PRKCE: variants seen among roughly 807,000 people sequenced by gnomAD.
PRKCE encodes protein kinase C epsilon type.
In PRKCE, 16 loss-of-function variants were observed where a neutral mutation model predicts 85.4. The observed-to-expected ratio is 0.19, with a 90% CI of 0.13 to 0.28. The LOEUF (loss-of-function observed/expected upper bound fraction) is 0.28, where lower values mean the gene tolerates loss of function less well. Among genes scored for constraint, PRKCE ranks in the 10% least tolerant of loss-of-function variants. PRKCE has a pLI of 1.00. For missense variants in PRKCE, 573 were observed against 975.2 expected (o/e 0.59, Z 5.49); for synonymous variants, 388 against 371.5 (o/e 1.04, Z -0.51).
rs139373921 is a variant in PRKCE, at chr2:46,089,756, A to G, written c.1592+3394A>G. Among the ~76,000 whole-genome samples the G allele has an allele frequency of 2.0e-4, 31 of 152,120 alleles. 1 individual carries two copies. In the East Asian group the frequency reaches 5.6e-3, roughly 27 times the overall value. Reference sequence around the variant, plus strand: ...TTCTGCCCAGAGGAGATGGAGTTTTATGCTTCTCACAAAGACACCCTACTG... The same window carrying G: ...TTCTGCCCAGAGGAGATGGAGTTTTGTGCTTCTCACAAAGACACCCTACTG... On this transcript the variant is annotated intron_variant, in intron 11 of 14. Transcript: ENST00000306156.
chr2:45,700,857 C>T (rs939775157), intron 1 of PRKCE, among the ~76,000 whole-genome samples: 17 of 152,094 alleles, frequency 1.1e-4, no homozygotes, highest in East Asian at 1.9e-4. Flanking sequence ...AGGGAGAGGG[C>T]GGCCCCGTGA....
chr2:45,738,698 ACT>A (rs376296381), intron 1 of PRKCE, among the ~76,000 whole-genome samples: 54 of 152,244 alleles, frequency 3.5e-4, no homozygotes, highest in African/African-American at 1.2e-3. Context: ...GGTGTGAATA[ACT>A]CTGAGATGTT....
intron 10 of PRKCE, among the ~76,000 whole-genome samples, chr2:46,016,091 TCAGACTC>T (rs1191906405): frequency 6.6e-6 from 1 of 152,176 alleles, no homozygotes; most frequent in Non-Finnish European, 1.5e-5. Context: ...ATTAATAGAA[TCAGACTC>T]CAGGGAAGTC....
chr2:46,086,085 A>T, intron 10 of PRKCE, 123 bp from the exon 11 acceptor site: 1 of 982,664 alleles, frequency 1.0e-6, no homozygotes, highest in Non-Finnish European at 1.5e-6. Flanking sequence ...ACCAGGATTC[A>T]CCCACCTTTG....
chr2:46,042,018 G>A (rs1307680189), intron 10 of PRKCE, among the ~76,000 whole-genome samples: 1 of 152,194 alleles, frequency 6.6e-6, no homozygotes, highest in Non-Finnish European at 1.5e-5. Flanking sequence ...TTTATGGTTT[G>A]ATTGTGTTTC....
At chr2:45,805,683 G>T (rs367606462) in intron 1 of PRKCE, among the ~76,000 whole-genome samples, 1 of 149,026 alleles carries the variant, frequency 6.7e-6, no homozygotes, top group Middle Eastern at 3.2e-3. Flanking sequence ...TGCAACCTCC[G>T]CCTCCCGGGT....
chr2:46,021,812 T>G (rs1706690036), intron 10 of PRKCE, among the ~76,000 whole-genome samples: 1 of 152,210 alleles, frequency 6.6e-6, no homozygotes, highest in Non-Finnish European at 1.5e-5. Context: ...CCGCCATCTA[T>G]TGGATTTCAG....
At chr2:46,176,244 T>A (rs901281309) in intron 14 of PRKCE, among the ~76,000 whole-genome samples, 2 of 152,128 alleles carry the variant, frequency 1.3e-5, no homozygotes, top group Non-Finnish European at 2.9e-5. Flanking sequence ...GGAGCCCTAT[T>A]ATTCCATGCC....
intron 1 of PRKCE, among the ~76,000 whole-genome samples, chr2:45,834,345 T>C (rs927694641): frequency 6.6e-6 from 1 of 152,236 alleles, no homozygotes; most frequent in African/African-American, 2.4e-5. Flanking sequence ...TTGGAGATTA[T>C]AAACAGCCAG....
intron 2 of PRKCE, among the ~76,000 whole-genome samples, chr2:45,932,728 T>A (rs1205306038): frequency 6.6e-6 from 1 of 152,238 alleles, no homozygotes; most frequent in East Asian, 1.9e-4. Flanking sequence ...CCACTATCCA[T>A]CTCCAAAACC....
chr2:45,832,097 C>A (rs369719824), intron 1 of PRKCE, among the ~76,000 whole-genome samples: 48 of 152,206 alleles, frequency 3.2e-4, no homozygotes, highest in African/African-American at 9.6e-4. Context: ...CAATGAAAAG[C>A]AATGGCAAAT....
chr2:45,772,589 T>C (rs1488579395), intron 1 of PRKCE, among the ~76,000 whole-genome samples: 1 of 152,186 alleles, frequency 6.6e-6, no homozygotes, highest in Non-Finnish European at 1.5e-5. Flanking sequence ...CCCTTGAGAC[T>C]GAGGAGAGAT....
At chr2:45,737,868 C>G (rs928942669) in intron 1 of PRKCE, among the ~76,000 whole-genome samples, 1 of 152,116 alleles carries the variant, frequency 6.6e-6, no homozygotes, top group Non-Finnish European at 1.5e-5. Flanking sequence ...GCCCCAAGTT[C>G]AACAAAACCA....
intron 1 of PRKCE, among the ~76,000 whole-genome samples, chr2:45,672,723 A>G (rs1676234948): frequency 6.6e-6 from 1 of 152,104 alleles, no homozygotes; most frequent in African/African-American, 2.4e-5. Flanking sequence ...TGTCAAGAGG[A>G]TGGTAAAAAC....
intron 2 of PRKCE, among the ~76,000 whole-genome samples, chr2:45,866,072 A>G (rs1240960764): frequency 1.3e-5 from 2 of 151,888 alleles, no homozygotes; most frequent in Non-Finnish European, 2.9e-5. Context: ...CTCTCTCCTC[A>G]ACCTCCCAAA....
intron 1 of PRKCE, among the ~76,000 whole-genome samples, chr2:45,766,723 C>G (rs1684941712): frequency 6.6e-6 from 1 of 152,192 alleles, no homozygotes; most frequent in South Asian, 2.1e-4. Flanking sequence ...CACTCACATT[C>G]AAATTCCTAA....
chr2:45,899,384 CTTT>C (rs1028345493), intron 2 of PRKCE, among the ~76,000 whole-genome samples: 1 of 142,838 alleles, frequency 7.0e-6, no homozygotes. Context: ...AATTTTTTTT[CTTT>C]TTTTTTTTTT....
At chr2:45,736,671 T>C (rs1410526035) in intron 1 of PRKCE, among the ~76,000 whole-genome samples, 1 of 152,166 alleles carries the variant, frequency 6.6e-6, no homozygotes, top group Non-Finnish European at 1.5e-5. Flanking sequence ...CTCATTCCTC[T>C]TACAGTCAAG....
At chr2:46,144,645 G>C (rs971320745) in intron 11 of PRKCE, among the ~76,000 whole-genome samples, 1 of 152,210 alleles carries the variant, frequency 6.6e-6, no homozygotes, top group Non-Finnish European at 1.5e-5. Flanking sequence ...GTTCTATAAA[G>C]TAGTGCCTGA....
Sources: allele counts gnomAD v4.1 joint callset (sites outside exome capture counted in the v4.1 genomes callset), GRCh38; gene constraint gnomAD v4.1.1; transcripts MANE v1.5; gene names NCBI Gene and HGNC (gene_info 2026-07-23, HGNC 2026-07-21).